MIS18A: variants seen among roughly 807,000 people sequenced by gnomAD.
MIS18A encodes the protein MIS18 kinetochore protein A.
A neutral mutation model predicts 25.0 loss-of-function variants in MIS18A; 14 were observed. That is an observed-to-expected ratio of 0.56 (90% CI 0.37 to 0.88). The LOEUF (loss-of-function observed/expected upper bound fraction) is 0.88, where lower values mean the gene tolerates loss of function less well. Ranked by LOEUF, MIS18A falls within the 40% of genes least tolerant of loss-of-function variation. The pLI is 0.00. For missense variants in MIS18A, 292 were observed against 290.8 expected (o/e 1.00, Z -0.03); for synonymous variants, 134 against 118.6 (o/e 1.13, Z -0.84).
At chr21:32,194,132 T>C in the MIS18A span, among the ~76,000 whole-genome samples, 1 of 152,070 alleles carries the variant, frequency 6.6e-6, no homozygotes, top group Non-Finnish European at 1.5e-5. Flanking sequence ...CTAGACTCCC[T>C]GGAAGTTGGA....
the MIS18A span, among the ~76,000 whole-genome samples, chr21:32,167,127 C>A: frequency 1.9e-4 from 29 of 152,300 alleles, no homozygotes; most frequent in Admixed American, 8.5e-4. Flanking sequence ...TTAGTCTTGA[C>A]TTTTCTCAAT....
the MIS18A span, among the ~76,000 whole-genome samples, chr21:32,181,175 C>A: frequency 6.6e-6 from 1 of 152,092 alleles, no homozygotes; most frequent in Non-Finnish European, 1.5e-5. Flanking sequence ...TGCCTGACTG[C>A]CTGAGCTGGA....
chr21:32,275,030 C>T (rs987263758), intron 1 of MIS18A, 134 bp from the exon 2 acceptor site: 3 of 678,518 alleles, frequency 4.4e-6, no homozygotes, highest in East Asian at 2.8e-5. Flanking sequence ...CACAAAAGAG[C>T]GGTTTAAAAC....
chr21:32,272,705 A>G (rs954077487), intron 2 of MIS18A, among the ~76,000 whole-genome samples: 1 of 152,234 alleles, frequency 6.6e-6, no homozygotes, highest in Non-Finnish European at 1.5e-5. Flanking sequence ...TGTATTTATG[A>G]TAGTAAAAAC....
the MIS18A span, among the ~76,000 whole-genome samples, chr21:32,262,318 T>G: frequency 9.8e-5 from 15 of 152,374 alleles, no homozygotes; most frequent in African/African-American, 3.6e-4. Flanking sequence ...TGTCCTGTTT[T>G]GAGAAAAACC....
the MIS18A span, among the ~76,000 whole-genome samples, chr21:32,199,636 C>G: frequency 6.6e-6 from 1 of 151,846 alleles, no homozygotes; most frequent in African/African-American, 2.4e-5. Flanking sequence ...GGTAAAACCC[C>G]GCCTCTACTA....
At chr21:32,205,890 G>A in the MIS18A span, among the ~76,000 whole-genome samples, 1 of 152,094 alleles carries the variant, frequency 6.6e-6, no homozygotes, top group Non-Finnish European at 1.5e-5. Context: ...CCATAAGATG[G>A]CCAAGCTGCT....
the MIS18A span, among the ~76,000 whole-genome samples, chr21:32,178,334 T>C: frequency 6.6e-6 from 1 of 152,230 alleles, no homozygotes; most frequent in African/African-American, 2.4e-5. Flanking sequence ...TAGACATTAT[T>C]GCTGTCGTTG....
chr21:32,262,488 G>T, the MIS18A span, among the ~76,000 whole-genome samples: 1 of 152,192 alleles, frequency 6.6e-6, no homozygotes, highest in Non-Finnish European at 1.5e-5. Context: ...TGGTAAGGGT[G>T]GACAACGGTT....
the MIS18A span, among the ~76,000 whole-genome samples, chr21:32,184,703 C>T: frequency 1.3e-5 from 2 of 152,250 alleles, no homozygotes; most frequent in East Asian, 1.9e-4. Context: ...TGGAGATGCA[C>T]AAATGCGCGC....
chr21:32,209,243 T>C, the MIS18A span, among the ~76,000 whole-genome samples: 1 of 152,170 alleles, frequency 6.6e-6, no homozygotes, highest in Non-Finnish European at 1.5e-5. Flanking sequence ...GCTTAGCACA[T>C]GTTAAAGCAT....
chr21:32,270,548 T>C lies in MIS18A; in HGVS notation c.402-19A>G. On this transcript the variant is annotated intron_variant, in intron 2 of 4. Transcript: ENST00000290130. ...AAGGACGCTGCAATAAAGAAATGTCTTGCTTTAGGAAACGAAGCAGCAACT... is the reference window on the plus strand; with the variant it reads ...AAGGACGCTGCAATAAAGAAATGTCCTGCTTTAGGAAACGAAGCAGCAACT... 1.3e-6 allele frequency: 2 copies of C among 1,514,996 alleles called. No individual in the cohort carries two copies. The highest frequency in any genetic ancestry group is 2.6e-5 in the South Asian group (2 of 76,780). The allele number at this position is 1,514,996 out of a possible 1,614,324, so 93.8% of individuals were successfully genotyped here. A position where few individuals can be genotyped will look rare whatever the true frequency, so the allele number is the denominator to read the frequency against.
chr21:32,195,199 G>A, the MIS18A span, among the ~76,000 whole-genome samples: 192 of 152,320 alleles, frequency 1.3e-3, no homozygotes, highest in Middle Eastern at 3.4e-3. Context: ...ATGCTGAAGA[G>A]CTCAAGAAAT....
chr21:32,238,184 T>C, the MIS18A span, among the ~76,000 whole-genome samples: 1 of 152,204 alleles, frequency 6.6e-6, no homozygotes, highest in African/African-American at 2.4e-5. Context: ...CATGAACACT[T>C]TGCCCATGCC....
At chr21:32,204,930 A>G in the MIS18A span, among the ~76,000 whole-genome samples, 2,640 of 152,184 alleles carry the variant, frequency 0.017, 44 homozygotes, top group Non-Finnish European at 0.028. Context: ...ACCCTAGACT[A>G]TAACTATCAA....
downstream of MIS18A, among the ~76,000 whole-genome samples, chr21:32,266,401 C>T (rs1231193903): frequency 6.6e-6 from 1 of 152,174 alleles, no homozygotes; most frequent in Admixed American, 6.5e-5. Context: ...CCAGCATTGG[C>T]AACCTGCTCG....
chr21:32,242,370 A>G, the MIS18A span, among the ~76,000 whole-genome samples: 14 of 152,218 alleles, frequency 9.2e-5, no homozygotes, highest in Non-Finnish European at 1.8e-4. Flanking sequence ...TACTGAGTAA[A>G]ATAGATAATC....
At chr21:32,225,205 G>A in the MIS18A span, among the ~76,000 whole-genome samples, 1 of 86,948 alleles carries the variant, frequency 1.2e-5, no homozygotes, top group East Asian at 3.2e-4. Context: ...TTACCATTCA[G>A]GACATAGGCA....
chr21:32,160,283 G>C, the MIS18A span, among the ~76,000 whole-genome samples: 1 of 124,622 alleles, frequency 8.0e-6, no homozygotes, highest in Admixed American at 9.4e-5. Context: ...AAACACCTCT[G>C]CAACACACAC....
Sources: gnomAD v4.1 joint callset for allele counts (sites outside exome capture counted in the v4.1 genomes callset) on GRCh38, gnomAD v4.1.1 for gene constraint, MANE v1.5 for transcripts, NCBI Gene and HGNC (gene_info 2026-07-23, HGNC 2026-07-21) for gene names.